IL1RAPL2: variants seen among roughly 807,000 people sequenced by gnomAD.
IL1RAPL2 encodes the protein interleukin 1 receptor accessory protein like 2.
Under a neutral mutation model 44.1 loss-of-function variants are expected in IL1RAPL2, and 3 were observed. The observed-to-expected ratio is 0.07, with a 90% confidence interval of 0.03 to 0.18. IL1RAPL2 has a LOEUF of 0.18. Ranked by LOEUF, IL1RAPL2 falls within the 10% of genes least tolerant of loss-of-function variation. The pLI is 1.00. For synonymous variants in IL1RAPL2, 181 were observed against 178.8 expected (o/e 1.01, Z -0.10); for missense variants, 391 against 496.4 (o/e 0.79, Z 2.02).
chrX:105,436,416 G>A (rs1166186960), intron 5 of IL1RAPL2, among the ~76,000 whole-genome samples: 1 of 111,681 alleles, frequency 9.0e-6, no homozygotes, highest in Non-Finnish European at 1.9e-5. Flanking sequence ...AATCCTGACA[G>A]TTAAAATTGG....
At chrX:104,761,819 C>T (rs1180380725) in intron 2 of IL1RAPL2, among the ~76,000 whole-genome samples, 1 of 73,542 alleles carries the variant, frequency 1.4e-5, no homozygotes, top group East Asian at 4.1e-4. Flanking sequence ...TCTCTTTCTC[C>T]TCCTTCTCCT....
At chrX:105,457,256 A>G (rs2036062562) in intron 5 of IL1RAPL2, among the ~76,000 whole-genome samples, 1 of 111,789 alleles carries the variant, frequency 8.9e-6, no homozygotes, top group South Asian at 3.7e-4. Flanking sequence ...TATACATAAC[A>G]TAATATTCAT....
chrX:105,112,047 C>T (rs1359969450), intron 2 of IL1RAPL2, among the ~76,000 whole-genome samples: 1 of 112,074 alleles, frequency 8.9e-6, no homozygotes, highest in Non-Finnish European at 1.9e-5. Flanking sequence ...AATGAACCAA[C>T]TCAAGCTCTG....
intron 2 of IL1RAPL2, among the ~76,000 whole-genome samples, chrX:104,955,502 C>A (rs923515306): frequency 9.5e-6 from 1 of 105,742 alleles, no homozygotes; most frequent in African/African-American, 3.5e-5. Context: ...ATATTATACT[C>A]CCATATATAT....
chrX:104,878,603 G>T (rs896426108), intron 2 of IL1RAPL2, among the ~76,000 whole-genome samples: 1 of 111,604 alleles, frequency 9.0e-6, no homozygotes, highest in African/African-American at 3.3e-5. Context: ...TATTTAGATG[G>T]CTAATCATAG....
At chrX:104,896,596 T>A (rs1032559450) in intron 2 of IL1RAPL2, among the ~76,000 whole-genome samples, 4 of 111,417 alleles carry the variant, frequency 3.6e-5, no homozygotes, top group African/African-American at 9.8e-5. Context: ...TCTATCTAGC[T>A]AAAGGTTTGT....
chrX:105,717,539 G>T, intron 7 of IL1RAPL2, 43 bp downstream of exon 7: 4 of 1,135,909 alleles, frequency 3.5e-6, no homozygotes, highest in Non-Finnish European at 4.7e-6. Flanking sequence ...TGTCTTACGG[G>T]ATTCTGCTCA....
chrX:105,225,958 G>A (rs781837396), intron 3 of IL1RAPL2, among the ~76,000 whole-genome samples: 24 of 111,533 alleles, frequency 2.2e-4, no homozygotes, highest in African/African-American at 6.2e-4. Context: ...GATTACAGGC[G>A]TGAGCCCCCG....
chrX:104,908,931 C>T (rs1924131790), intron 2 of IL1RAPL2, among the ~76,000 whole-genome samples: 1 of 111,035 alleles, frequency 9.0e-6, no homozygotes, highest in Non-Finnish European at 1.9e-5. Context: ...TAATATCCTG[C>T]AGAGTGTTTT....
At chrX:104,656,041 G>A (rs1930250473) in intron 1 of IL1RAPL2, among the ~76,000 whole-genome samples, 1 of 110,923 alleles carries the variant, frequency 9.0e-6, no homozygotes, top group African/African-American at 3.3e-5. Context: ...TATTTTTATT[G>A]CATCTATTTG....
intron 5 of IL1RAPL2, among the ~76,000 whole-genome samples, chrX:105,364,396 T>C (rs968748887): frequency 3.2e-4 from 36 of 111,125 alleles, no homozygotes; most frequent in East Asian, 5.6e-4. Context: ...TTGCTTTGGC[T>C]CTTTGGGGTT....
chrX:104,655,207 T>G (rs1236557853), intron 1 of IL1RAPL2, among the ~76,000 whole-genome samples: 1 of 111,738 alleles, frequency 8.9e-6, no homozygotes, highest in Non-Finnish European at 1.9e-5. Context: ...TTTCCAACGC[T>G]ATGTCGAATA....
intron 6 of IL1RAPL2, among the ~76,000 whole-genome samples, chrX:105,488,414 C>CT (rs760060211): frequency 1.8e-5 from 2 of 111,972 alleles, no homozygotes; most frequent in Non-Finnish European, 3.8e-5. Flanking sequence ...AAGAAGATAT[C>CT]TTGGAAGTGG....
rs751906701 is a variant in IL1RAPL2 at position 104,736,783 on chromosome X, G to T, written c.82+77788G>T. On this transcript the variant is annotated intron_variant, in intron 2 of 10. Coordinates refer to ENST00000372582, the MANE Select transcript of IL1RAPL2 (RefSeq NM_017416.2). The stretch of plus-strand genomic sequence containing the variant: ...CTTGGAGGAATGGTATAATAATCAT[G>T]CTTGTGGTTGTAGTGATTGCAATGT... Among the ~76,000 whole-genome samples the T allele has an allele frequency of 8.0e-5, 9 of 112,413 alleles. No homozygotes were observed. The South Asian group carries it at 3.3e-3, about 41-fold the overall frequency.
intron 4 of IL1RAPL2, among the ~76,000 whole-genome samples, chrX:105,241,309 A>C (rs1266965681): frequency 9.0e-6 from 1 of 111,592 alleles, no homozygotes; most frequent in Non-Finnish European, 1.9e-5. Context: ...ATTTTGCCAA[A>C]ATAATGACTC....
intron 6 of IL1RAPL2, among the ~76,000 whole-genome samples, chrX:105,646,570 A>C (rs2037607567): frequency 8.9e-6 from 1 of 111,867 alleles, no homozygotes; most frequent in African/African-American, 3.3e-5. Context: ...TTACCTAATC[A>C]ATCAGGTGCA....
intron 2 of IL1RAPL2, among the ~76,000 whole-genome samples, chrX:104,895,777 A>G (rs1318153932): frequency 9.0e-6 from 1 of 111,464 alleles, no homozygotes; most frequent in African/African-American, 3.3e-5. Context: ...CACTCAGGTG[A>G]CTGCACCCAC....
chrX:105,447,718 TA>T (rs2035979391), intron 5 of IL1RAPL2, among the ~76,000 whole-genome samples: 1 of 83,991 alleles, frequency 1.2e-5, no homozygotes, highest in African/African-American at 4.8e-5. Context: ...ATTAAAAATA[TA>T]AATATATAAA....
At chrX:104,934,494 G>A (rs1043619533) in intron 2 of IL1RAPL2, among the ~76,000 whole-genome samples, 1 of 111,483 alleles carries the variant, frequency 9.0e-6, no homozygotes, top group African/African-American at 3.3e-5. Flanking sequence ...TCAGATCAGT[G>A]AGAATGTCAA....
Sources: allele counts gnomAD v4.1 joint callset (sites outside exome capture counted in the v4.1 genomes callset), GRCh38; gene constraint gnomAD v4.1.1; transcripts MANE v1.5; gene names NCBI Gene and HGNC (gene_info 2026-07-23, HGNC 2026-07-21).